ITPK1: variants seen among roughly 807,000 people sequenced by gnomAD.
The protein encoded by ITPK1 is inositol-tetrakisphosphate 1-kinase.
Under a neutral mutation model 45.3 loss-of-function variants are expected in ITPK1, and 21 were observed. The ratio of observed to expected loss-of-function variants is 0.46; its 90% CI spans 0.33 to 0.67. The LOEUF is 0.67. Among genes scored for constraint, ITPK1 ranks in the 30% least tolerant of loss-of-function variants. ITPK1 has a pLI of 0.02. For missense variants in ITPK1, 474 were observed against 573.5 expected (o/e 0.83, Z 1.77); for synonymous variants, 258 against 253.6 (o/e 1.02, Z -0.16).
At chr14:92,946,593 T>C in intron 9 of ITPK1, 100 bp from the exon 10 acceptor site, 1 of 1,211,196 alleles carries the variant, frequency 8.3e-7, no homozygotes, top group Non-Finnish European at 1.2e-6. Context: ...GGCCCTGGCA[T>C]GCTTCAGGCC....
At position 92,939,632 on chromosome 14, in the gene ITPK1, A is replaced by G; in HGVS notation, c.*1929T>C. ...ACGGAGGCCTATGGACGCCACCACG[A>G]CACCACATGGCAGTTACTCGGTATC... is the stretch of plus-strand genomic sequence containing the variant. On this transcript the variant is annotated 3_prime_UTR_variant, in exon 11 of 11. Coordinates refer to ENST00000267615, the MANE Select transcript of ITPK1 (RefSeq NM_014216.6). 1.0e-6 allele frequency: 1 copy of G among 970,928 alleles called. No homozygotes were observed. The highest frequency in any genetic ancestry group is 1.2e-6 in the Non-Finnish European group (1 of 817,446). The allele number at this position is 970,928 out of a possible 1,614,324, so 60.1% of individuals were successfully genotyped here. A position where few individuals can be genotyped will look rare whatever the true frequency, so the allele number is the denominator to read the frequency against.
chr14:92,982,830 C>A (rs1459609977), intron 5 of ITPK1, among the ~76,000 whole-genome samples: 1 of 152,180 alleles, frequency 6.6e-6, no homozygotes, highest in Non-Finnish European at 1.5e-5. Context: ...TGGCCACAGC[C>A]CCCTACCCTG....
intron 3 of ITPK1, among the ~76,000 whole-genome samples, chr14:93,033,722 C>T (rs551303157): frequency 9.9e-5 from 15 of 152,264 alleles, no homozygotes; most frequent in Admixed American, 1.3e-4. Context: ...GACACACACC[C>T]ACTGGTCCCC....
chr14:92,992,998 G>C (rs1371630743), intron 5 of ITPK1, among the ~76,000 whole-genome samples: 1 of 152,250 alleles, frequency 6.6e-6, no homozygotes, highest in Admixed American at 6.5e-5. Context: ...CTCTGGAGCT[G>C]TGAGCCAAAT....
At chr14:92,945,205 C>T (rs768171219) in intron 10 of ITPK1, among the ~76,000 whole-genome samples, 25 of 152,230 alleles carry the variant, frequency 1.6e-4, no homozygotes, top group East Asian at 3.8e-4. Context: ...CAGCCCTGGG[C>T]GACAGCAGCC....
chr14:92,995,238 G>A (rs576791489), intron 4 of ITPK1, among the ~76,000 whole-genome samples: 1 of 152,272 alleles, frequency 6.6e-6, no homozygotes, highest in East Asian at 1.9e-4. Flanking sequence ...CAGCAGACAT[G>A]CCAGCGTGAT....
intron 4 of ITPK1, among the ~76,000 whole-genome samples, chr14:93,004,141 G>A (rs578150186): frequency 3.3e-5 from 5 of 152,290 alleles, no homozygotes; most frequent in Admixed American, 1.3e-4. Flanking sequence ...CATCCCAGTC[G>A]CCTGCAAGCC....
chr14:93,041,232 G>A (rs1328700197), intron 3 of ITPK1, among the ~76,000 whole-genome samples: 1 of 152,184 alleles, frequency 6.6e-6, no homozygotes, highest in East Asian at 1.9e-4. Flanking sequence ...CCACTGCCCG[G>A]CCAGGATCTG....
In ITPK1 at chr14:93,012,763, T is replaced by A. The variant is rs1432070694; in HGVS notation, c.246+3913A>T. ...GGACAATTACCGTCCTTCCAGCTGA[T>A]AAAGACAGGGCAAAGGCAGCAGTTG... On this transcript the variant is annotated intron_variant, in intron 4 of 10. Transcript: ENST00000267615. This position sits in a 1 kb window ranked among gnomAD's most constrained non-coding sequence, Gnocchi z 4.9. 6.6e-6 allele frequency among the ~76,000 whole-genome samples: 1 copy of A among 152,168 alleles called. No individual in the cohort carries two copies. Among genetic ancestry groups the A allele is most frequent in the African/African-American group, 2.4e-5 (1 of 41,438 alleles).
intron 4 of ITPK1, among the ~76,000 whole-genome samples, chr14:93,000,346 T>C (rs188348679): frequency 6.6e-6 from 1 of 152,342 alleles, no homozygotes; most frequent in African/African-American, 2.4e-5. Flanking sequence ...TCCACCACAG[T>C]ATACAAGTGT....
At chr14:93,104,059 C>G (rs760082632) in intron 2 of ITPK1, among the ~76,000 whole-genome samples, 1 of 152,138 alleles carries the variant, frequency 6.6e-6, no homozygotes, top group Non-Finnish European at 1.5e-5. Context: ...GGCCCTAGGG[C>G]GGGTGCACTG....
chr14:93,108,409 C>T (rs1466262129), intron 2 of ITPK1, among the ~76,000 whole-genome samples: 7 of 152,230 alleles, frequency 4.6e-5, no homozygotes, highest in Admixed American at 4.6e-4. Flanking sequence ...TAAGTATTTA[C>T]TGAATGTCCC....
In ITPK1 at chr14:93,076,935, C is replaced by T. The variant is rs1348394471; in HGVS notation, c.96-316G>A. Reference sequence around the variant, plus strand: ...AGCTCCAGCCTGGGTCGTCCCAAGGCCCCTGCCACCAAGTTCACCACCATC... The same window carrying T: ...AGCTCCAGCCTGGGTCGTCCCAAGGTCCCTGCCACCAAGTTCACCACCATC... On this transcript the variant is annotated intron_variant, in intron 2 of 10. Coordinates refer to ENST00000267615, the MANE Select transcript of ITPK1 (RefSeq NM_014216.6). The surrounding 1 kb of genome is among the most constrained non-coding windows in gnomAD (Gnocchi z 4.3). 6.6e-6 allele frequency among the ~76,000 whole-genome samples: 1 copy of T among 152,178 alleles called. No homozygotes were observed. The highest frequency in any genetic ancestry group is 1.5e-5 in the Non-Finnish European group (1 of 68,022).
At chr14:92,998,632 G>T (rs538296067) in intron 4 of ITPK1, among the ~76,000 whole-genome samples, 1 of 152,112 alleles carries the variant, frequency 6.6e-6, no homozygotes, top group Non-Finnish European at 1.5e-5. Context: ...AGCACGTTGC[G>T]GCATTCTCTC....
At position 92,962,759 on chromosome 14, in the gene ITPK1, A is replaced by C; in HGVS notation, c.455T>G (p.Phe152Cys). The C allele has an allele frequency of 6.2e-7, 1 of 1,612,888 alleles. No homozygotes were observed. Among genetic ancestry groups the C allele is most frequent in the Non-Finnish European group, 8.5e-7 (1 of 1,178,922 alleles). Residue 152 changes from phenylalanine (F) to cysteine (C), a missense_variant, in exon 6 of 11, where the codon TTC (phenylalanine) becomes TGC (cysteine). Physicochemically the swap from Phe to Cys is radical, Grantham distance 205. Around this residue, in one of 2 missense-constraint regions of ITPK1, gnomAD observed 367 missense variants for 480.6 expected, o/e 0.76. Transcript: ENST00000267615. ...GCTGGGATGGTACGCACTGAATGGG[A>C]AAGTCAAGCCGTTCTTCTCCAGCAG... ...MRLLEKNGLT[F>C]PFICKTRVAH... is the part of the protein sequence containing the mutation.
chr14:93,026,290 T>C (rs1007740681), intron 3 of ITPK1, among the ~76,000 whole-genome samples: 2 of 152,184 alleles, frequency 1.3e-5, no homozygotes, highest in Non-Finnish European at 2.9e-5. Flanking sequence ...TACAAACTGA[T>C]TTTTTTAAAA....
chr14:92,981,380 T>C (rs1886221741), intron 5 of ITPK1, among the ~76,000 whole-genome samples: 1 of 152,136 alleles, frequency 6.6e-6, no homozygotes, highest in African/African-American at 2.4e-5. Flanking sequence ...ATAGCCCCCA[T>C]TTCTCCTGAA....
intron 3 of ITPK1, among the ~76,000 whole-genome samples, chr14:93,058,028 A>G (rs1021785653): frequency 6.6e-6 from 1 of 152,122 alleles, no homozygotes; most frequent in Non-Finnish European, 1.5e-5. Context: ...TGAGCTACTG[A>G]CGCAGAAGAG....
At chr14:93,073,212 C>T (rs1476602305) in intron 3 of ITPK1, among the ~76,000 whole-genome samples, 1 of 152,200 alleles carries the variant, frequency 6.6e-6, no homozygotes, top group East Asian at 1.9e-4. Flanking sequence ...GACACAGCGT[C>T]GTTAAGCAAC....
Sources: gnomAD v4.1 joint callset for allele counts (sites outside exome capture counted in the v4.1 genomes callset) on GRCh38, gnomAD v4.1.1 for gene constraint, gnomAD v4.1.1 regional missense constraint, Gnocchi (gnomAD v3.1) non-coding constraint, MANE v1.5 for transcripts, NCBI Gene and HGNC (gene_info 2026-07-23, HGNC 2026-07-21) for gene names.